Variants in GUCY2C observed in about 807,000 individuals in gnomAD.
The protein encoded by GUCY2C is guanylate cyclase 2C, also known as guanylyl cyclase C.
Under a neutral mutation model 131.1 loss-of-function variants are expected in GUCY2C, and 118 were observed. The observed-to-expected ratio is 0.90, with a 90% CI of 0.78 to 1.05. The LOEUF is 1.05. GUCY2C is among the 50% of genes least tolerant of loss of function. The pLI, the probability that GUCY2C is intolerant of heterozygous loss-of-function variation, is 0.00. For missense variants in GUCY2C, 1,161 were observed against 1,304.4 expected (o/e 0.89, Z 1.69); for synonymous variants, 452 against 457.8 (o/e 0.99, Z 0.16).
At chr12:14,645,637 C>T (rs1298140852) in intron 15 of GUCY2C, among the ~76,000 whole-genome samples, 4 of 152,164 alleles carry the variant, frequency 2.6e-5, no homozygotes, top group Non-Finnish European at 5.9e-5. Flanking sequence ...TCTGTCTCAT[C>T]TAAATTGGAC....
intron 6 of GUCY2C, among the ~76,000 whole-genome samples, chr12:14,677,984 TA>T (rs1948274849): frequency 6.6e-6 from 1 of 152,160 alleles, no homozygotes; most frequent in South Asian, 2.1e-4. Context: ...TGTTTTTATT[TA>T]AAAACTTTTT....
At chr12:14,630,635 T>C (rs1947123440) in intron 19 of GUCY2C, among the ~76,000 whole-genome samples, 1 of 152,214 alleles carries the variant, frequency 6.6e-6, no homozygotes, top group Non-Finnish European at 1.5e-5. Flanking sequence ...ATGCACATGA[T>C]ATGCCATTTT....
chr12:14,676,801 A>G (rs1389277833), intron 7 of GUCY2C, 53 bp downstream of exon 7: 2 of 536,846 alleles, frequency 3.7e-6, no homozygotes, highest in East Asian at 8.5e-5. Flanking sequence ...CTTACCCTTG[A>G]CAAATAAAAT....
At chr12:14,636,365 A>T (rs141931056) in intron 19 of GUCY2C, among the ~76,000 whole-genome samples, 1 of 152,352 alleles carries the variant, frequency 6.6e-6, no homozygotes, top group East Asian at 1.9e-4. Context: ...CCATATGATC[A>T]TCTCAATCGA....
intron 1 of GUCY2C, among the ~76,000 whole-genome samples, chr12:14,694,817 T>C (rs1333389268): frequency 6.6e-6 from 1 of 152,124 alleles, no homozygotes; most frequent in Non-Finnish European, 1.5e-5. Context: ...CAAATAACCA[T>C]TAAGATGCAT....
chr12:14,695,100 G>T (rs1322099701), intron 1 of GUCY2C, among the ~76,000 whole-genome samples: 2 of 151,918 alleles, frequency 1.3e-5, no homozygotes. Context: ...AGGCCATGAC[G>T]CTCTAGGAAA....
At chr12:14,632,751 CA>C (rs1417589255) in intron 19 of GUCY2C, among the ~76,000 whole-genome samples, 1 of 152,182 alleles carries the variant, frequency 6.6e-6, no homozygotes, top group East Asian at 1.9e-4. Flanking sequence ...AGGACAGGTC[CA>C]CCTGGCTCAC....
chr12:14,687,335 A>G (rs936703374), intron 2 of GUCY2C, among the ~76,000 whole-genome samples: 3 of 152,180 alleles, frequency 2.0e-5, no homozygotes, highest in African/African-American at 4.8e-5. Flanking sequence ...AAACTTAAAA[A>G]CTGGCTGGGC....
rs774883858 is a variant in GUCY2C, at chr12:14,641,102, A to G, written c.2048T>C (p.Leu683Ser). ...IILRKETFYTLSCRDRNEKIF... is the reference protein window; with the variant it reads ...IILRKETFYTSSCRDRNEKIF... ...TGTACCATTCCGGTCCCGACAGCTC[A>G]AAGTGTAGAAGGTTTCTTTCCGCAG... The change falls in exon 18 of 27, where the codon TTG (leucine) becomes TCG (serine). Residue 683 changes from leucine to serine, a missense_variant. By Grantham distance (145) the Leu-to-Ser change is moderately radical. Coordinates refer to ENST00000261170, the MANE Select transcript of GUCY2C (RefSeq NM_004963.4). 1.9e-6 allele frequency: 3 copies of G among 1,612,848 alleles called. No homozygotes were observed. The South Asian group carries it at 3.3e-5, about 18-fold the overall frequency.
At chr12:14,620,465 A>C (rs1464341534) in intron 23 of GUCY2C, among the ~76,000 whole-genome samples, 1 of 152,228 alleles carries the variant, frequency 6.6e-6, no homozygotes, top group African/African-American at 2.4e-5. Flanking sequence ...ATCTGATTTG[A>C]AAATTATTCT....
Position 14,675,180 on chromosome 12 carries a change from C to T in GUCY2C, c.949-420G>A, listed in dbSNP as rs1197836179. ...GAGCCAAGATTCCACTGCACTCCAG[C>T]CTGGGTGACAGAGTGAAACTCCATC... On this transcript the variant is annotated intron_variant, in intron 7 of 26. Transcript: ENST00000261170. Among the ~76,000 whole-genome samples the T allele has an allele frequency of 9.5e-5, 13 of 136,944 alleles. No homozygotes were observed. The East Asian group carries it at 2.9e-3, about 30-fold the overall frequency. The allele number at this position is 136,944 out of a possible 152,430, so 89.8% of individuals were successfully genotyped here. A position where few individuals can be genotyped will look rare whatever the true frequency, so the allele number is the denominator to read the frequency against.
chr12:14,625,059 G>A (rs1946978879), intron 21 of GUCY2C, among the ~76,000 whole-genome samples: 1 of 152,302 alleles, frequency 6.6e-6, no homozygotes, highest in Middle Eastern at 3.4e-3. Context: ...GGGCTCATGG[G>A]TTCTGCCCTT....
intron 12 of GUCY2C, among the ~76,000 whole-genome samples, chr12:14,655,861 A>G (rs1006699798): frequency 1.4e-4 from 21 of 152,210 alleles, no homozygotes; most frequent in African/African-American, 4.1e-4. Context: ...GTGGTGCATT[A>G]TAAGTGCTCA....
At position 14,674,743 on chromosome 12, in the gene GUCY2C, A is replaced by G; in HGVS notation, c.966T>C (p.Ala322=). The stretch of plus-strand genomic sequence containing the variant: ...GCAGGATTCCATTCAAATAGGCAAG[A>G]GCAAAGTCTCGTTTTGTCTAAATAA... ...RNLSPTKRDF[A]LAYLNGILLF... is the part of the protein sequence containing the mutation. The change falls in exon 8 of 27, where the codon GCT becomes GCC. Residue 322 remains alanine, a synonymous_variant. Transcript: ENST00000261170. 1 of 1,610,032 alleles carries G rather than the reference A, an allele frequency of 6.2e-7. No homozygotes were observed. Among genetic ancestry groups the G allele is most frequent in the African/African-American group, 1.3e-5 (1 of 74,842 alleles).
At position 14,682,849 on chromosome 12, in the gene GUCY2C, A is replaced by G. The variant is rs1350080921; in HGVS notation, c.611+193T>C. 2.0e-5 allele frequency among the ~76,000 whole-genome samples: 3 copies of G among 152,314 alleles called. No individual in the cohort carries two copies. The East Asian group carries it at 5.8e-4, about 29-fold the overall frequency. Reference sequence around the variant, plus strand: ...GTAAAGAGTGTTGCAGATGCAAACTATACTGATTATTTTTACAACTCTATA... The same window carrying G: ...GTAAAGAGTGTTGCAGATGCAAACTGTACTGATTATTTTTACAACTCTATA... On this transcript the variant is annotated intron_variant, in intron 4 of 26. Transcript: ENST00000261170.
At chr12:14,658,094 A>G (rs968746956) in intron 11 of GUCY2C, among the ~76,000 whole-genome samples, 1 of 152,166 alleles carries the variant, frequency 6.6e-6, no homozygotes, top group Non-Finnish European at 1.5e-5. Flanking sequence ...TATTTAATAG[A>G]GTATATAGAC....
intron 17 of GUCY2C, 110 bp downstream of exon 17, chr12:14,643,464 T>C (rs1198717205): frequency 2.2e-6 from 2 of 893,832 alleles, no homozygotes; most frequent in Non-Finnish European, 3.5e-6. Context: ...TTGTCTCTTG[T>C]GGCTTTAAGT....
At chr12:14,692,382 T>C (rs987433151) in intron 1 of GUCY2C, among the ~76,000 whole-genome samples, 6 of 152,154 alleles carry the variant, frequency 3.9e-5, no homozygotes, top group Non-Finnish European at 7.4e-5. Flanking sequence ...TTGAGAAATA[T>C]AGGTTTTCTT....
Position 14,622,149 on chromosome 12 carries a change from T to C in GUCY2C, c.2457A>G (p.Leu819=). ...TGAAGTAGATTGTAACTTCCTCATA[T>C]AGTTCCGGCTCCACAAAGCCTTTCT... ...LKEKGFVEPE[L]YEEVTIYFSD... is the part of the protein sequence containing the mutation. The change falls in exon 22 of 27, where the codon CTA becomes CTG. Residue 819 remains leucine, a synonymous_variant. Coordinates refer to ENST00000261170, the MANE Select transcript of GUCY2C (RefSeq NM_004963.4). The C allele has an allele frequency of 1.3e-6, 2 of 1,596,622 alleles. No individual in the cohort carries two copies. Among genetic ancestry groups the C allele is most frequent in the African/African-American group, 2.7e-5 (2 of 74,160 alleles).
Sources: gnomAD v4.1 joint callset for allele counts (sites outside exome capture counted in the v4.1 genomes callset) on GRCh38, gnomAD v4.1.1 for gene constraint, MANE v1.5 for transcripts, NCBI Gene and HGNC (gene_info 2026-07-23, HGNC 2026-07-21) for gene names.